ADAMTS2: variants seen among roughly 807,000 people sequenced by gnomAD.
ADAMTS2 encodes ADAM metallopeptidase with thrombospondin type 1 motif 2.
Under a neutral mutation model 123.0 loss-of-function variants are expected in ADAMTS2, and 50 were observed. That is an observed-to-expected ratio of 0.41 (90% CI 0.32 to 0.51). ADAMTS2 has a LOEUF of 0.51. Among genes scored for constraint, ADAMTS2 ranks in the 20% least tolerant of loss-of-function variants. The pLI, the probability that ADAMTS2 is intolerant of heterozygous loss-of-function variation, is 0.35. For synonymous variants in ADAMTS2, 678 were observed against 695.4 expected (o/e 0.98, Z 0.39); for missense variants, 1,494 against 1,705.2 (o/e 0.88, Z 2.18).
intron 8 of ADAMTS2, 107 bp from the exon 9 acceptor site, chr5:179,153,730 C>A (rs1763412748): frequency 1.4e-6 from 2 of 1,444,378 alleles, no homozygotes; most frequent in African/African-American, 2.8e-5. Context: ...GCCCTACCTG[C>A]ACATCCCGGC....
intron 2 of ADAMTS2, among the ~76,000 whole-genome samples, chr5:179,293,968 T>C (rs1382136741): frequency 6.6e-6 from 1 of 152,060 alleles, no homozygotes; most frequent in Non-Finnish European, 1.5e-5. Flanking sequence ...TATTTGTGCA[T>C]CTCAAACATT....
chr5:179,237,359 G>T (rs1429093492), intron 3 of ADAMTS2, among the ~76,000 whole-genome samples: 1 of 152,216 alleles, frequency 6.6e-6, no homozygotes, highest in Admixed American at 6.5e-5. Context: ...GTGCAAGAAG[G>T]TGCCATGTGT....
At chr5:179,256,000 A>T (rs2113477766) in intron 3 of ADAMTS2, among the ~76,000 whole-genome samples, 1 of 152,084 alleles carries the variant, frequency 6.6e-6, no homozygotes, top group African/African-American at 2.4e-5. Context: ...CCCCCAACAC[A>T]TGAGCATGGG....
intron 5 of ADAMTS2, among the ~76,000 whole-genome samples, chr5:179,171,100 G>A (rs747610819): frequency 3.3e-5 from 5 of 152,126 alleles, no homozygotes; most frequent in African/African-American, 9.7e-5. Flanking sequence ...TGGATACCTC[G>A]GTTTTTGTCA....
intron 2 of ADAMTS2, among the ~76,000 whole-genome samples, chr5:179,336,337 T>A (rs1426175394): frequency 6.6e-6 from 1 of 152,200 alleles, no homozygotes; most frequent in Non-Finnish European, 1.5e-5. Context: ...CAAATACCTA[T>A]CCCTGGAGGA....
intron 2 of ADAMTS2, among the ~76,000 whole-genome samples, chr5:179,277,703 C>T (rs1428152796): frequency 7.6e-5 from 1 of 13,164 alleles, no homozygotes; most frequent in African/African-American, 2.1e-4. Context: ...GACCCCCCCG[C>T]GAGACCAAAG....
intron 5 of ADAMTS2, among the ~76,000 whole-genome samples, chr5:179,174,118 T>C (rs762813048): frequency 3.7e-4 from 56 of 152,310 alleles, no homozygotes; most frequent in Middle Eastern, 6.8e-3. Flanking sequence ...GTGTGCCTGC[T>C]TCATTCACCC....
At chr5:179,235,378 C>T (rs779870037) in intron 3 of ADAMTS2, among the ~76,000 whole-genome samples, 4 of 152,198 alleles carry the variant, frequency 2.6e-5, no homozygotes, top group African/African-American at 7.2e-5. Context: ...GCATGAAATG[C>T]TCAGGGTGTG....
chr5:179,221,913 A>C (rs1002602113), intron 3 of ADAMTS2, among the ~76,000 whole-genome samples: 21 of 151,702 alleles, frequency 1.4e-4, no homozygotes, highest in African/African-American at 4.6e-4. Flanking sequence ...GGCCTGCCCA[A>C]CCTTTGTTTC....
chr5:179,238,531 G>A (rs1765587287), intron 3 of ADAMTS2, among the ~76,000 whole-genome samples: 1 of 152,138 alleles, frequency 6.6e-6, no homozygotes. Flanking sequence ...TAGAGCGCCA[G>A]GGTAGGTCCC....
At chr5:179,230,202 C>T (rs777502518) in intron 3 of ADAMTS2, among the ~76,000 whole-genome samples, 1 of 152,016 alleles carries the variant, frequency 6.6e-6, no homozygotes, top group South Asian at 2.1e-4. Context: ...CAGGGCTGGG[C>T]GTGAGGTGGG....
At chr5:179,239,962 G>A (rs547234715) in intron 3 of ADAMTS2, among the ~76,000 whole-genome samples, 1 of 152,266 alleles carries the variant, frequency 6.6e-6, no homozygotes, top group African/African-American at 2.4e-5. Context: ...GGTGCCTCTG[G>A]CAGAGTGGCA....
chr5:179,288,300 C>A (rs1756086675), intron 2 of ADAMTS2, among the ~76,000 whole-genome samples: 1 of 152,250 alleles, frequency 6.6e-6, no homozygotes, highest in South Asian at 2.1e-4. Flanking sequence ...TGCCCGCCTG[C>A]CCAGCTGCCA....
rs1756718855 is a variant in ADAMTS2, at chr5:179,307,689, C to T, written c.535-34625G>A. Among the ~76,000 whole-genome samples the T allele has an allele frequency of 6.6e-6, 1 of 152,052 alleles. No individual in the cohort carries two copies. The highest frequency in any genetic ancestry group is 1.5e-5 in the Non-Finnish European group (1 of 68,008). On this transcript the variant is annotated intron_variant, in intron 2 of 21. Transcript: ENST00000251582. This position sits in a 1 kb window ranked among gnomAD's most constrained non-coding sequence, Gnocchi z 5.6. ...ACTCAAGTGCCAGCCGTGGAGATCT[C>T]CTCTGTGTCCTTGGCACACTTCAAC...
chr5:179,136,035 C>G lies in ADAMTS2; in HGVS notation c.1959G>C (p.Glu653Asp), dbSNP rs1219575796. ...WLPHEHRDAKERCHLYCESRE... is the reference protein window; with the variant it reads ...WLPHEHRDAKDRCHLYCESRE... Reference sequence around the variant, plus strand: ...TGGACTCGCAGTACAGGTGGCATCTCTCCTTGGCTGGAAGGGAAGCAGCTG... The same window carrying G: ...TGGACTCGCAGTACAGGTGGCATCTGTCCTTGGCTGGAAGGGAAGCAGCTG... The change falls in exon 13 of 22, where the codon GAG becomes GAC. Residue 653 changes from glutamate to aspartate, a missense_variant. By Grantham distance (45) the Glu-to-Asp change is conservative. This residue lies in a region of ADAMTS2 where 953 missense variants were observed against 1,124.7 expected (regional missense o/e 0.85). Transcript: ENST00000251582. 41 of 1,613,268 alleles carry G rather than the reference C, an allele frequency of 2.5e-5. No homozygotes were observed. The highest frequency in any genetic ancestry group is 3.3e-5 in the Non-Finnish European group (39 of 1,180,024).
chr5:179,223,167 G>A (rs560899622), intron 3 of ADAMTS2, among the ~76,000 whole-genome samples: 8 of 152,324 alleles, frequency 5.3e-5, no homozygotes, highest in South Asian at 2.1e-4. Flanking sequence ...CTAGGAGAGC[G>A]CTCTGGGGTG....
rs62396114 is a variant in ADAMTS2, at chr5:179,126,321, G to A, written c.2618-191C>T. Among the ~76,000 whole-genome samples, 1,201 of 152,238 alleles carry A rather than the reference G, an allele frequency of 7.9e-3. 19 individuals are homozygous for A. The highest frequency in any genetic ancestry group is 0.027 in the African/African-American group (1,115 of 41,556). On this transcript the variant is annotated intron_variant, in intron 17 of 21. Transcript: ENST00000251582. The stretch of plus-strand genomic sequence containing the variant: ...CTTGGTGTGTCCCGGGTGGAGGGGC[G>A]AGAGGGCAGGAGAGGCCATTTTCTC...
At chr5:179,246,914 T>C (rs10059514) in intron 3 of ADAMTS2, among the ~76,000 whole-genome samples, 118,584 of 152,130 alleles carry the variant, frequency 0.78, 51,194 homozygotes, top group East Asian at 1. Flanking sequence ...CAACAAGCCC[T>C]GGGAAGTGGG....
chr5:179,143,035 T>C (rs1225986330), intron 10 of ADAMTS2, among the ~76,000 whole-genome samples: 1 of 152,222 alleles, frequency 6.6e-6, no homozygotes, highest in Non-Finnish European at 1.5e-5. Flanking sequence ...ATAAGTAATG[T>C]GTTTAAAGAA....
Sources: allele counts gnomAD v4.1 joint callset (sites outside exome capture counted in the v4.1 genomes callset), GRCh38; gene constraint gnomAD v4.1.1; regional missense constraint gnomAD v4.1.1; non-coding constraint Gnocchi (gnomAD v3.1); transcripts MANE v1.5; gene names NCBI Gene and HGNC (gene_info 2026-07-23, HGNC 2026-07-21).